The following ERMARD variants were observed in gnomAD, a reference collection of about 807,000 sequenced individuals.
ERMARD encodes the protein ER membrane associated RNA degradation.
In ERMARD, 71 loss-of-function variants were observed where a neutral mutation model predicts 83.9. The observed-to-expected ratio is 0.85, with a 90% CI of 0.70 to 1.03. The LOEUF (loss-of-function observed/expected upper bound fraction) is 1.03. Among genes scored for constraint, ERMARD ranks in the 50% least tolerant of loss-of-function variants. The pLI is 0.00. For missense variants in ERMARD, 838 were observed against 810.9 expected, an observed-to-expected ratio of 1.03 and a Z score of -0.41; for synonymous variants, 284 against 298.6, an observed-to-expected ratio of 0.95 and a Z score of 0.50.
intron 2 of ERMARD, 76 bp downstream of exon 2, chr6:169,754,108 C>A (rs1218587507): frequency 1.4e-6 from 2 of 1,404,896 alleles, no homozygotes; most frequent in Non-Finnish European, 1.9e-6. Context: ...ATTCCCCTTT[C>A]TGACCATTGG....
intron 9 of ERMARD, among the ~76,000 whole-genome samples, chr6:169,764,271 G>GTT (rs552299964): frequency 1.4e-5 from 2 of 142,826 alleles, no homozygotes; most frequent in Non-Finnish European, 1.5e-5. Flanking sequence ...TTTTTTTTTG[G>GTT]TTTTTTTTTT....
Position 169,766,791 on chromosome 6 carries a change from G to A in ERMARD, c.990+124G>A. ...ATATACTTACAGGAAAATGTCCATA[G>A]TAATATAAACCAAAAAAAGCTGATA... is the stretch of plus-strand genomic sequence containing the variant. On this transcript the variant is annotated intron_variant, in intron 10 of 17. Transcript: ENST00000366773. 1.1e-5 allele frequency: 12 copies of A among 1,097,806 alleles called. No individual in the cohort carries two copies. The South Asian group carries it at 2.6e-4, about 24-fold the overall frequency. The allele number at this position is 1,097,806 out of a possible 1,614,324, so 68.0% of individuals were successfully genotyped here. A position where few individuals can be genotyped will look rare whatever the true frequency, so the allele number is the denominator to read the frequency against.
rs1360463164 is a variant in ERMARD at position 169,781,326 on chromosome 6, A to G, written c.1854-4A>G. ...GGATAAAGAAATTAATTTTTTTTTT[A>G]CAGGTTTGTAAAGTCGATCTTGCAG... On this transcript the variant is annotated splice_region_variant and splice_polypyrimidine_tract_variant and intron_variant, in intron 17 of 17. Transcript: ENST00000366773. The G allele has an allele frequency of 6.3e-7, 1 of 1,578,824 alleles. No homozygotes were observed. Among genetic ancestry groups the G allele is most frequent in the Admixed American group, 2.0e-5 (1 of 49,128 alleles).
Position 169,769,563 on chromosome 6 carries a change from C to A in ERMARD, c.1083C>A (p.Asn361Lys), listed in dbSNP as rs930560626. Residue 361 changes from asparagine (N) to lysine (K), a missense_variant, in exon 12 of 18, where the codon AAC becomes AAA. Transcript: ENST00000366773. ...PAMEFLWDFL[N>K]HQEGPRIRDH... ...AGGAATTTCTCTGGGATTTCCTGAA[C>A]CATCAGGAGGGTCCCCGCATAAGAG... 2 of 1,592,642 alleles carry A rather than the reference C, an allele frequency of 1.3e-6. No homozygotes were observed. The highest frequency in any genetic ancestry group is 2.7e-5 in the African/African-American group (2 of 73,776).
chr6:169,766,871 C>T lies in ERMARD; in HGVS notation c.990+204C>T, dbSNP rs1792280499. 6 of 471,184 alleles carry T rather than the reference C, an allele frequency of 1.3e-5. No individual in the cohort carries two copies. In the East Asian group the frequency reaches 2.1e-4, roughly 17 times the overall value. 29.2% of individuals were successfully genotyped at this position (471,184 alleles called of 1,614,324 possible). A position where few individuals can be genotyped will look rare whatever the true frequency, so the allele number is the denominator to read the frequency against. ...AGTGTTACCAATCTAGCTCCCAAAG[C>T]TATCCAAAGCTCAAAGTTGGAAAAT... On this transcript the variant is annotated intron_variant, in intron 10 of 17. Coordinates refer to ENST00000366773, the MANE Select transcript of ERMARD (RefSeq NM_018341.3).
intron 1 of ERMARD, among the ~76,000 whole-genome samples, chr6:169,752,628 G>A (rs575593961): frequency 1.3e-5 from 2 of 152,330 alleles, no homozygotes; most frequent in East Asian, 3.9e-4. Flanking sequence ...GCAACTGATA[G>A]CAGTTTCCAC....
chr6:169,770,477 A>G (rs1315074682), intron 12 of ERMARD: 1 of 152,214 alleles, frequency 6.6e-6, no homozygotes, highest in Admixed American at 6.5e-5. Flanking sequence ...TTGATGAATG[A>G]GTTGTAATGT....
chr6:169,760,138 C>T lies in ERMARD; in HGVS notation c.742+164C>T, dbSNP rs112203817. Among the ~76,000 whole-genome samples, 1,651 of 145,184 alleles carry T rather than the reference C, an allele frequency of 0.011. 16 individuals carry two copies. The highest frequency in any genetic ancestry group is 0.026 in the African/African-American group (943 of 36,528). On this transcript the variant is annotated intron_variant, in intron 7 of 17. Coordinates refer to ENST00000366773, the MANE Select transcript of ERMARD (RefSeq NM_018341.3). ...GAAGAACCTCCTACATTTTACCACC[C>T]AAAGCCCTGCCTCCTCCCACCATGC... is the stretch of plus-strand genomic sequence containing the variant.
intron 12 of ERMARD, 174 bp from the exon 13 acceptor site, chr6:169,773,145 G>A: frequency 1.9e-6 from 1 of 540,038 alleles, no homozygotes; most frequent in South Asian, 2.9e-5. Context: ...TTTATTGGCT[G>A]TCATTTGCCT....
chr6:169,779,247 T>C lies in ERMARD; in HGVS notation c.1805T>C (p.Ile602Thr), dbSNP rs759052067. 1.9e-6 allele frequency: 3 copies of C among 1,614,252 alleles called. No individual in the cohort carries two copies. The highest frequency in any genetic ancestry group is 1.6e-4 in the Middle Eastern group (1 of 6,062). Reference protein sequence around the residue: ...LLLIALELVNIHAVCGKNAHE... With the variant: ...LLLIALELVNTHAVCGKNAHE... Reference sequence around the variant, plus strand: ...CTCATTGCGCTGGAGTTGGTCAACATTCATGCTGTTTGTGGGAAGAATGCG... The same window carrying C: ...CTCATTGCGCTGGAGTTGGTCAACACTCATGCTGTTTGTGGGAAGAATGCG... Residue 602 changes from isoleucine to threonine, a missense_variant, in exon 17 of 18, where the codon ATT becomes ACT. Ile to Thr is a moderately conservative substitution (Grantham distance 89). Coordinates refer to ENST00000366773, the MANE Select transcript of ERMARD (RefSeq NM_018341.3).
At chr6:169,778,688 C>T (rs1793868043) in intron 16 of ERMARD, among the ~76,000 whole-genome samples, 1 of 152,256 alleles carries the variant, frequency 6.6e-6, no homozygotes, top group South Asian at 2.1e-4. Context: ...CTCTCCAAAA[C>T]CACAATATTT....
In ERMARD at chr6:169,762,406, C is replaced by T. The variant is rs773010101; in HGVS notation, c.858-23C>T. 2.5e-6 allele frequency: 4 copies of T among 1,596,374 alleles called. No homozygotes were observed. The South Asian group carries it at 3.3e-5, about 13-fold the overall frequency. On this transcript the variant is annotated intron_variant, in intron 8 of 17. Transcript: ENST00000366773. Reference sequence around the variant, plus strand: ...TTATTTTTGAAATGTGGAGTTTTACCTCTTTTCCCTTCAATTTCATAGGTT... The same window carrying T: ...TTATTTTTGAAATGTGGAGTTTTACTTCTTTTCCCTTCAATTTCATAGGTT...
chr6:169,779,437 C>G, intron 17 of ERMARD, 142 bp downstream of exon 17: 1 of 700,294 alleles, frequency 1.4e-6, no homozygotes, highest in Non-Finnish European at 2.5e-6. Flanking sequence ...GGTCTGACAT[C>G]TGGCCTGCAA....
chr6:169,761,725 C>G (rs1446243613), intron 8 of ERMARD, among the ~76,000 whole-genome samples: 1 of 150,084 alleles, frequency 6.7e-6, no homozygotes, highest in South Asian at 2.1e-4. Context: ...CTGTGTCACC[C>G]TGGCTGGAGT....
chr6:169,760,308 A>T (rs1281428615), intron 7 of ERMARD, among the ~76,000 whole-genome samples: 1 of 152,144 alleles, frequency 6.6e-6, no homozygotes, highest in African/African-American at 2.4e-5. Context: ...CTTTGTACTC[A>T]TGATCATTAT....
At chr6:169,765,735 A>G (rs1046737068) in intron 9 of ERMARD, among the ~76,000 whole-genome samples, 5 of 152,240 alleles carry the variant, frequency 3.3e-5, no homozygotes, top group African/African-American at 9.6e-5. Context: ...AACATTTATT[A>G]TTAAACATTA....
rs762048103 is a variant in ERMARD at position 169,776,503 on chromosome 6, G to T, written c.1569G>T (p.Leu523=). The change falls in exon 16 of 18, where the codon CTG becomes CTT. Residue 523 remains leucine (L), a synonymous_variant. Coordinates refer to ENST00000366773, the MANE Select transcript of ERMARD (RefSeq NM_018341.3). Reference sequence around the variant, plus strand: ...TCTGCAGCACACCTGTTCCCACCCTGTTCTGCCCCAGGATTGTGCTGGAAG... The same window carrying T: ...TCTGCAGCACACCTGTTCCCACCCTTTTCTGCCCCAGGATTGTGCTGGAAG... ...RELCSTPVPT[L]FCPRIVLEVL... The T allele has an allele frequency of 3.1e-6, 5 of 1,614,152 alleles. No homozygotes were observed. Among genetic ancestry groups the T allele is most frequent in the Middle Eastern group, 1.6e-4 (1 of 6,062 alleles).
rs533685389 is a variant in ERMARD, at chr6:169,774,140, C to G, written c.1317+738C>G. The stretch of plus-strand genomic sequence containing the variant: ...CACAACGTCAGGAGATCGAGACCAT[C>G]CTGGCTAACACAGTGAAACCCCATC... On this transcript the variant is annotated intron_variant, in intron 13 of 17. Coordinates refer to ENST00000366773, the MANE Select transcript of ERMARD (RefSeq NM_018341.3). 4.6e-5 allele frequency among the ~76,000 whole-genome samples: 7 copies of G among 152,308 alleles called. No individual in the cohort carries two copies. In the South Asian group the frequency reaches 1.5e-3, roughly 32 times the overall value.
At chr6:169,780,097 A>G (rs571537834) in intron 17 of ERMARD, among the ~76,000 whole-genome samples, 50 of 147,690 alleles carry the variant, frequency 3.4e-4, no homozygotes, top group African/African-American at 1.3e-3. Context: ...GGAAAGATGC[A>G]TAGACTCCTG....
Sources: allele counts gnomAD v4.1 joint callset (sites outside exome capture counted in the v4.1 genomes callset), GRCh38; gene constraint gnomAD v4.1.1; transcripts MANE v1.5; gene names NCBI Gene and HGNC (gene_info 2026-07-23, HGNC 2026-07-21).